The following SPAG6 variants were observed in gnomAD, a reference collection of about 807,000 sequenced individuals.
SPAG6 encodes the protein sperm-associated antigen 6.
A neutral mutation model predicts 58.5 loss-of-function variants in SPAG6; 49 were observed. The observed-to-expected ratio is 0.84, with a 90% CI of 0.67 to 1.06. SPAG6 has a LOEUF of 1.06. Ranked by LOEUF, SPAG6 falls within the 50% of genes least tolerant of loss-of-function variation. The pLI is 0.00. For missense variants in SPAG6, 560 were observed against 611.3 expected (o/e 0.92, Z 0.89); for synonymous variants, 233 against 225.6 (o/e 1.03, Z -0.29).
At chr10:22,414,044 T>TAG (rs1482256121) in intron 10 of SPAG6, among the ~76,000 whole-genome samples, 6 of 152,146 alleles carry the variant, frequency 3.9e-5, no homozygotes, top group Non-Finnish European at 8.8e-5. Flanking sequence ...GGGTCTGGAC[T>TAG]AGACATTAGA....
At chr10:22,368,757 T>A in intron 4 of SPAG6, 79 bp downstream of exon 4, 4 of 1,082,256 alleles carry the variant, frequency 3.7e-6, no homozygotes, top group Non-Finnish European at 5.3e-6. Context: ...CAGTTTTGCT[T>A]AGTAAAACAT....
chr10:22,367,975 G>A (rs1837244689), intron 3 of SPAG6, among the ~76,000 whole-genome samples: 1 of 152,122 alleles, frequency 6.6e-6, no homozygotes. Context: ...ATGATTGTAA[G>A]CACATTTTAG....
At chr10:22,411,840 C>CTTTTTTTTTTTTTTTTTTTTTT (rs546172800) in intron 10 of SPAG6, among the ~76,000 whole-genome samples, 2 of 66,792 alleles carry the variant, frequency 3.0e-5, no homozygotes, top group African/African-American at 5.8e-5. Flanking sequence ...ACAACTGAAT[C>CTTTTTTTTTTTTTTTTTTTTTT]TTTTTTTTTT....
intron 7 of SPAG6, among the ~76,000 whole-genome samples, chr10:22,390,254 G>A (rs192151305): frequency 6.6e-6 from 1 of 152,276 alleles, no homozygotes; most frequent in East Asian, 1.9e-4. Flanking sequence ...TCACGGTAAG[G>A]ATGTTACTAG....
In SPAG6 at chr10:22,389,240, G is replaced by T; in HGVS notation, c.933G>T (p.Leu311=). The T allele has an allele frequency of 6.2e-7, 1 of 1,613,192 alleles. No individual in the cohort carries two copies. Among genetic ancestry groups the T allele is most frequent in the Non-Finnish European group, 8.5e-7 (1 of 1,179,734 alleles). Residue 311 remains leucine (L), a synonymous_variant, in exon 7 of 11, where the codon CTG becomes CTT. Transcript: ENST00000376624. ...GGTCCTGCAAAGGGAACACACGGCT[G>T]CCTGGCATCATGATGCTTGGTTATG... is the stretch of plus-strand genomic sequence containing the variant. ...CIGSCKGNTR[L]PGIMMLGYVA... is the part of the protein sequence containing the mutation.
intron 2 of SPAG6, among the ~76,000 whole-genome samples, chr10:22,362,769 G>A (rs954959492): frequency 2.0e-4 from 30 of 151,754 alleles, no homozygotes; most frequent in African/African-American, 7.0e-4. Context: ...CGTAATGCTC[G>A]ACGATAATGA....
chr10:22,350,163 A>G (rs892723054), intron 2 of SPAG6, among the ~76,000 whole-genome samples: 1 of 152,106 alleles, frequency 6.6e-6, no homozygotes. Context: ...AACGATAATG[A>G]ACTCAAAACA....
chr10:22,348,574 C>T (rs1327103740), intron 2 of SPAG6, among the ~76,000 whole-genome samples: 4 of 152,064 alleles, frequency 2.6e-5, no homozygotes, highest in Non-Finnish European at 5.9e-5. Flanking sequence ...AAAATATTTT[C>T]CATATGGGTA....
chr10:22,387,332 A>G (rs1834090731), intron 5 of SPAG6, among the ~76,000 whole-genome samples: 2 of 152,176 alleles, frequency 1.3e-5, no homozygotes, highest in African/African-American at 2.4e-5. Flanking sequence ...GCTTTCTAAA[A>G]TCTGATTTTT....
chr10:22,383,968 C>T (rs1456627928), intron 4 of SPAG6, among the ~76,000 whole-genome samples: 1 of 152,154 alleles, frequency 6.6e-6, no homozygotes, highest in African/African-American at 2.4e-5. Flanking sequence ...GGAATTATAT[C>T]AGGATGTTTT....
intron 4 of SPAG6, among the ~76,000 whole-genome samples, chr10:22,384,468 G>A (rs188087414): frequency 6.6e-6 from 1 of 152,164 alleles, no homozygotes; most frequent in African/African-American, 2.4e-5. Flanking sequence ...AATATGTAGA[G>A]TCTACATTAT....
intron 9 of SPAG6, among the ~76,000 whole-genome samples, chr10:22,409,855 C>T (rs961124801): frequency 6.6e-6 from 1 of 152,106 alleles, no homozygotes; most frequent in Non-Finnish European, 1.5e-5. Flanking sequence ...CAAACGTGCT[C>T]AAGTCTCCCT....
At chr10:22,366,668 A>C (rs536854768) in intron 3 of SPAG6, among the ~76,000 whole-genome samples, 1 of 152,314 alleles carries the variant, frequency 6.6e-6, no homozygotes, top group African/African-American at 2.4e-5. Context: ...TTATAGCTCT[A>C]CAAGGAGTCA....
intron 2 of SPAG6, among the ~76,000 whole-genome samples, chr10:22,351,967 T>C (rs539206514): frequency 2.0e-4 from 30 of 152,212 alleles, no homozygotes; most frequent in African/African-American, 5.8e-4. Context: ...GGTCAGGAGA[T>C]TGAGACCACG....
intron 4 of SPAG6, among the ~76,000 whole-genome samples, chr10:22,369,194 G>A (rs1264758573): frequency 7.2e-5 from 11 of 152,040 alleles, no homozygotes. Flanking sequence ...GAAAATATTG[G>A]TATTCAACTC....
At chr10:22,402,088 A>C (rs1834427732) in intron 9 of SPAG6, among the ~76,000 whole-genome samples, 1 of 152,192 alleles carries the variant, frequency 6.6e-6, no homozygotes, top group African/African-American at 2.4e-5. Context: ...TCTAAACCTT[A>C]GTTTGGTTAC....
At chr10:22,375,149 T>C (rs141310363) in intron 4 of SPAG6, among the ~76,000 whole-genome samples, 1 of 152,356 alleles carries the variant, frequency 6.6e-6, no homozygotes, top group African/African-American at 2.4e-5. Flanking sequence ...TTCTCTATTG[T>C]TTCTTGAACT....
chr10:22,350,649 A>G (rs1836699554), intron 2 of SPAG6, among the ~76,000 whole-genome samples: 1 of 152,182 alleles, frequency 6.6e-6, no homozygotes, highest in South Asian at 2.1e-4. Context: ...TTATTTGACT[A>G]ACTAATTTCT....
chr10:22,378,912 A>G (rs1359715459), intron 4 of SPAG6, among the ~76,000 whole-genome samples: 1 of 152,130 alleles, frequency 6.6e-6, no homozygotes, highest in Admixed American at 6.5e-5. Context: ...TCAATGGCTT[A>G]TTTGACTCAC....
Sources: allele counts gnomAD v4.1 joint callset (sites outside exome capture counted in the v4.1 genomes callset), GRCh38; gene constraint gnomAD v4.1.1; transcripts MANE v1.5; gene names NCBI Gene and HGNC (gene_info 2026-07-23, HGNC 2026-07-21).